Variants in TRIM59 observed in about 807,000 individuals in gnomAD.
The protein encoded by TRIM59 is tripartite motif-containing protein 59.
TRIM59 carries 14 observed loss-of-function variants against 32.2 expected under a neutral mutation model. The observed-to-expected ratio is 0.43, with a 90% CI of 0.29 to 0.68. The LOEUF is 0.68. TRIM59 is among the 30% of genes least tolerant of loss of function. The probability of loss-of-function intolerance (pLI) is 0.15; values close to 1 mark genes in which losing one functional copy is unlikely to be tolerated. For synonymous variants in TRIM59, 163 were observed against 155.1 expected (o/e 1.05, Z -0.38); for missense variants, 471 against 463.3 (o/e 1.02, Z -0.15).
chr3:160,439,836 T>A (rs186700394), intron 2 of TRIM59, among the ~76,000 whole-genome samples: 15 of 152,280 alleles, frequency 9.9e-5, no homozygotes, highest in Admixed American at 1.3e-4. Context: ...CACTACATAA[T>A]AAAGACTAAA....
chr3:160,441,766 A>AAAAAAAG (rs1302238882), intron 2 of TRIM59, among the ~76,000 whole-genome samples: 1 of 150,898 alleles, frequency 6.6e-6, no homozygotes, highest in African/African-American at 2.5e-5. Flanking sequence ...AAAAAAAAAA[A>AAAAAAAG]AAAAAAGAAA....
Position 160,438,508 on chromosome 3 carries a change from T to G in TRIM59, c.676A>C (p.Lys226Gln), listed in dbSNP as rs760402005. ...QEYTPQIERM[K>Q]EIREQQLELM... The stretch of plus-strand genomic sequence containing the variant: ...TCAAGCTGCTGCTCTCGTATTTCCT[T>G]CATTCTTTCAATTTGTGGAGTATAT... Residue 226 changes from lysine to glutamine, a missense_variant, in exon 3 of 3, where the codon AAG becomes CAG. Lys to Gln is a moderately conservative substitution (Grantham distance 53). Transcript: ENST00000309784. The G allele has an allele frequency of 1.2e-5, 19 of 1,612,410 alleles. No individual in the cohort carries two copies. In the South Asian group the frequency reaches 2.0e-4, roughly 17 times the overall value.
In TRIM59 at chr3:160,448,764, C is replaced by T. The variant is rs552684392; in HGVS notation, c.-42G>A. On this transcript the variant is annotated 5_prime_UTR_variant, in exon 2 of 3. Transcript: ENST00000309784. ...TGGTTTGGGGGCTGAATACACTCTTCTCCAACTCCTCCAGAATCTTTTATT... is the reference window on the plus strand; with the variant it reads ...TGGTTTGGGGGCTGAATACACTCTTTTCCAACTCCTCCAGAATCTTTTATT... The T allele has an allele frequency of 2.3e-6, 3 of 1,277,842 alleles. No individual in the cohort carries two copies. The African/African-American group carries it at 4.6e-5, about 20-fold the overall frequency. The allele number at this position is 1,277,842 out of a possible 1,614,324, so 79.2% of individuals were successfully genotyped here. A position where few individuals can be genotyped will look rare whatever the true frequency, so the allele number is the denominator to read the frequency against.
At position 160,436,876 on chromosome 3, in the gene TRIM59, T is replaced by C. The variant is rs147263297; in HGVS notation, c.*1096A>G. 14 of 980,906 alleles carry C rather than the reference T, an allele frequency of 1.4e-5. No homozygotes were observed. The East Asian group carries it at 1.5e-3, about 105-fold the overall frequency. The allele number at this position is 980,906 out of a possible 1,614,324, so 60.8% of individuals were successfully genotyped here. The stretch of plus-strand genomic sequence containing the variant: ...TAGCTTAAGGGAATGTGGTAGAAAA[T>C]TTAAATGAGTTAAGATGAATAAAGT... On this transcript the variant is annotated 3_prime_UTR_variant, in exon 3 of 3. Coordinates refer to ENST00000309784, the MANE Select transcript of TRIM59 (RefSeq NM_173084.3).
intron 2 of TRIM59, 70 bp from the exon 3 acceptor site, chr3:160,439,256 T>C (rs1719123179): frequency 7.7e-7 from 1 of 1,292,954 alleles, no homozygotes; most frequent in African/African-American, 1.5e-5. Flanking sequence ...ATTCTAGGCA[T>C]TAACCTCCAA....
Position 160,437,942 on chromosome 3 carries a change from A to C in TRIM59, c.*30T>G. The C allele has an allele frequency of 2.0e-6, 3 of 1,521,072 alleles. No individual in the cohort carries two copies. The highest frequency in any genetic ancestry group is 2.6e-6 in the Non-Finnish European group (3 of 1,140,626). The allele number at this position is 1,521,072 out of a possible 1,614,324, so 94.2% of individuals were successfully genotyped here. ...TTTTTGTTTAGCAATGTACAGAATAAGCCCATTTAAACAATTCAGGTTGAC... is the reference window on the plus strand; with the variant it reads ...TTTTTGTTTAGCAATGTACAGAATACGCCCATTTAAACAATTCAGGTTGAC... On this transcript the variant is annotated 3_prime_UTR_variant, in exon 3 of 3. Transcript: ENST00000309784.
rs751543768 is a variant in TRIM59, at chr3:160,436,797, C to CAAAAAAAAAAAAAA, written c.*1161_*1174dup. 3.0e-6 allele frequency: 1 copy of CAAAAAAAAAAAAAA among 337,898 alleles called. No individual in the cohort carries two copies. Among genetic ancestry groups the CAAAAAAAAAAAAAA allele is most frequent in the Non-Finnish European group, 3.4e-6 (1 of 291,882 alleles). 20.9% of individuals were successfully genotyped at this position (337,898 alleles called of 1,614,324 possible). A position where few individuals can be genotyped will look rare whatever the true frequency, so the allele number is the denominator to read the frequency against. ...TGGGCGACAGAGCAAGACTCCGTCT[C>CAAAAAAAAAAAAAA]AAAAAAAAAAAAAAAAAAAAAAAAA... On this transcript the variant is annotated 3_prime_UTR_variant, in exon 3 of 3. Coordinates refer to ENST00000309784, the MANE Select transcript of TRIM59 (RefSeq NM_173084.3).
rs1141023 is a variant in TRIM59 at position 160,439,163 on chromosome 3, C to T, written c.21G>A (p.Glu7=). 0.18 allele frequency: 270,360 copies of T among 1,494,360 alleles called. 26,758 individuals carry two copies. Among genetic ancestry groups the T allele is most frequent in the Non-Finnish European group, 0.2 (224,384 of 1,122,374 alleles). The allele number at this position is 1,494,360 out of a possible 1,614,324, so 92.6% of individuals were successfully genotyped here. Reference sequence around the variant, plus strand: ...TACTATAACATATGGGACAAGTTAACTCTTCCTCAAAATTGTGCATTTCCT... The same window carrying T: ...TACTATAACATATGGGACAAGTTAATTCTTCCTCAAAATTGTGCATTTCCT... MHNFEE[E]LTCPICYSIF... The change falls in exon 3 of 3, where the codon GAG becomes GAA. Residue 7 remains glutamate, a synonymous_variant. Transcript: ENST00000309784.
rs7611573 is a variant in TRIM59 at position 160,449,489 on chromosome 3, G to A, written c.-74+228C>T. ...CAGCTCACCCTCGCCACCACAGAGG[G>A]CCTCCTCCCTCACAGGAACGCAGCT... On this transcript the variant is annotated intron_variant, in intron 1 of 2. Transcript: ENST00000309784. 7.3e-3 allele frequency: 8,746 copies of A among 1,202,260 alleles called. 523 individuals are homozygous for A. The African/African-American group carries it at 0.13, about 17-fold the overall frequency. The allele number at this position is 1,202,260 out of a possible 1,614,324, so 74.5% of individuals were successfully genotyped here.
Position 160,436,443 on chromosome 3 carries a change from C to G in TRIM59, c.*1529G>C. 7.1e-6 allele frequency: 7 copies of G among 985,848 alleles called. No homozygotes were observed. Among genetic ancestry groups the G allele is most frequent in the Non-Finnish European group, 8.4e-6 (7 of 829,956 alleles). The allele number at this position is 985,848 out of a possible 1,614,324, so 61.1% of individuals were successfully genotyped here. A position where few individuals can be genotyped will look rare whatever the true frequency, so the allele number is the denominator to read the frequency against. On this transcript the variant is annotated 3_prime_UTR_variant, in exon 3 of 3. Transcript: ENST00000309784. ...TAACACATGCATCATAACTCCAGTC[C>G]CTGTTAAAGGGAACTAAAGGGCTTT...
chr3:160,443,681 C>G (rs1577016990), intron 2 of TRIM59, among the ~76,000 whole-genome samples: 1 of 152,074 alleles, frequency 6.6e-6, no homozygotes, highest in South Asian at 2.1e-4. Context: ...CTCTGTCGCC[C>G]AGGCTGGAGT....
chr3:160,441,636 C>T (rs1354702787), intron 2 of TRIM59, among the ~76,000 whole-genome samples: 1 of 151,238 alleles, frequency 6.6e-6, no homozygotes, highest in Non-Finnish European at 1.5e-5. Context: ...CGCCTGTAGT[C>T]CCAGCCACTT....
Position 160,438,240 on chromosome 3 carries a change from G to A in TRIM59, c.944C>T (p.Ser315Phe). 4 of 1,613,798 alleles carry A rather than the reference G, an allele frequency of 2.5e-6. No homozygotes were observed. The highest frequency in any genetic ancestry group is 1.7e-5 in the Admixed American group (1 of 60,014). ...TTCCTTTTCATCCTTACCAGGCCAG[G>A]AACATGACATCCTTTTTGGAGAAAT... is the stretch of plus-strand genomic sequence containing the variant. Reference protein sequence around the residue: ...MKISPKRMSCSWPGKDEKEVE... With the variant: ...MKISPKRMSCFWPGKDEKEVE... The change falls in exon 3 of 3, where the codon TCC (serine) becomes TTC (phenylalanine). Residue 315 changes from serine (S) to phenylalanine (F), a missense_variant. Coordinates refer to ENST00000309784, the MANE Select transcript of TRIM59 (RefSeq NM_173084.3).
At chr3:160,449,560 G>C in intron 1 of TRIM59, 157 bp downstream of exon 1, 1 of 1,285,924 alleles carries the variant, frequency 7.8e-7, no homozygotes, top group African/African-American at 1.5e-5. Context: ...TCCAGTATGG[G>C]ACAAGAGGGA....
intron 2 of TRIM59, among the ~76,000 whole-genome samples, chr3:160,442,174 A>G (rs1207004014): frequency 2.0e-5 from 3 of 152,234 alleles, no homozygotes; most frequent in Non-Finnish European, 4.4e-5. Flanking sequence ...TAGCAAAACT[A>G]GTCCTAAAAC....
At chr3:160,439,460 T>G (rs1719129892) in intron 2 of TRIM59, among the ~76,000 whole-genome samples, 1 of 152,202 alleles carries the variant, frequency 6.6e-6, no homozygotes, top group Non-Finnish European at 1.5e-5. Context: ...TTAAGTTATT[T>G]AAATTTGTTG....
rs571978684 is a variant in TRIM59, at chr3:160,437,012, A to C, written c.*960T>G. 9 of 984,700 alleles carry C rather than the reference A, an allele frequency of 9.1e-6. No homozygotes were observed. The South Asian group carries it at 3.8e-4, about 41-fold the overall frequency. 61.0% of individuals were successfully genotyped at this position (984,700 alleles called of 1,614,324 possible). On this transcript the variant is annotated 3_prime_UTR_variant, in exon 3 of 3. Transcript: ENST00000309784. The stretch of plus-strand genomic sequence containing the variant: ...GATTTGACTGACGAGCAGAAAAAAA[A>C]ACAATCTTAAATTTGCACAAACTAT...
intron 2 of TRIM59, among the ~76,000 whole-genome samples, chr3:160,440,158 C>G (rs1002174819): frequency 2.6e-5 from 4 of 152,126 alleles, no homozygotes; most frequent in Non-Finnish European, 5.9e-5. Context: ...TAGTATAATT[C>G]TCTAAAGCAA....
rs1719066856 is a variant in TRIM59, at chr3:160,438,087, T to C, written c.1097A>G (p.Glu366Gly). Reference sequence around the variant, plus strand: ...ACTTTGGTAAACAGATAGAGAGGCTTCAGAAAACCATATTAAAGTGATTTC... The same window carrying C: ...ACTTTGGTAAACAGATAGAGAGGCTCCAGAAAACCATATTAAAGTGATTTC... ...LSEITLIWFS[E>G]ASLSVYQSLS... Residue 366 changes from glutamate to glycine, a missense_variant, in exon 3 of 3, where the codon GAA (glutamate) becomes GGA (glycine). Physicochemically the swap from Glu to Gly is moderately conservative, Grantham distance 98. Transcript: ENST00000309784. 1 of 1,612,598 alleles carries C rather than the reference T, an allele frequency of 6.2e-7. No individual in the cohort carries two copies. Among genetic ancestry groups the C allele is most frequent in the African/African-American group, 1.3e-5 (1 of 74,978 alleles).
Sources: gnomAD v4.1 joint callset for allele counts (sites outside exome capture counted in the v4.1 genomes callset) on GRCh38, gnomAD v4.1.1 for gene constraint, MANE v1.5 for transcripts, NCBI Gene and HGNC (gene_info 2026-07-23, HGNC 2026-07-21) for gene names.